PRR16: variants seen among roughly 807,000 people sequenced by gnomAD.
PRR16 encodes proline rich 16.
In PRR16, 6 loss-of-function variants were observed where a neutral mutation model predicts 18.2. The ratio of observed to expected loss-of-function variants is 0.33; its 90% CI spans 0.18 to 0.65. The LOEUF (loss-of-function observed/expected upper bound fraction) is 0.65. Ranked by LOEUF, PRR16 falls within the 30% of genes least tolerant of loss-of-function variation. The pLI, the probability that PRR16 is intolerant of heterozygous loss-of-function variation, is 0.74. For missense variants in PRR16, 412 were observed against 376.6 expected, an observed-to-expected ratio of 1.09 and a Z score of -0.78; for synonymous variants, 151 against 147.8, an observed-to-expected ratio of 1.02 and a Z score of -0.16.
the PRR16 span, among the ~76,000 whole-genome samples, chr5:120,747,311 T>C: frequency 6.6e-6 from 1 of 152,178 alleles, no homozygotes; most frequent in South Asian, 2.1e-4. Context: ...CTTCATACAT[T>C]CAAGTTTTAT....
At chr5:120,742,410 T>C in the PRR16 span, among the ~76,000 whole-genome samples, 1 of 151,708 alleles carries the variant, frequency 6.6e-6, no homozygotes, top group Non-Finnish European at 1.5e-5. Context: ...ACTTTTGATA[T>C]TGCATATCAG....
intron 1 of PRR16, among the ~76,000 whole-genome samples, chr5:120,502,458 G>T (rs942009405): frequency 1.3e-5 from 2 of 151,492 alleles, no homozygotes; most frequent in South Asian, 2.1e-4. Flanking sequence ...TACTGTCTTT[G>T]TTACTTCTCA....
the PRR16 span, among the ~76,000 whole-genome samples, chr5:120,699,960 G>A: frequency 6.6e-6 from 1 of 152,212 alleles, no homozygotes; most frequent in Non-Finnish European, 1.5e-5. Context: ...AAGCTTTGCA[G>A]CAGTACAGCC....
chr5:120,477,057 C>T (rs906542353), intron 1 of PRR16, among the ~76,000 whole-genome samples: 8 of 152,150 alleles, frequency 5.3e-5, no homozygotes, highest in Non-Finnish European at 1.5e-5. Context: ...CATTTCACTT[C>T]ACTGATTTTT....
At chr5:120,529,946 A>G (rs763487953) in intron 1 of PRR16, among the ~76,000 whole-genome samples, 1 of 151,752 alleles carries the variant, frequency 6.6e-6, no homozygotes. Context: ...TTTACTATGC[A>G]AAAATAATAT....
At chr5:120,707,100 G>T in the PRR16 span, among the ~76,000 whole-genome samples, 1 of 152,172 alleles carries the variant, frequency 6.6e-6, no homozygotes, top group Admixed American at 6.5e-5. Context: ...ATCTACAATT[G>T]AAGGGTTTCT....
intron 1 of PRR16, among the ~76,000 whole-genome samples, chr5:120,618,735 A>AT (rs1043175136): frequency 2.0e-5 from 3 of 151,542 alleles, no homozygotes; most frequent in Admixed American, 2.0e-4. Flanking sequence ...TGGGATTCTT[A>AT]TTTTTTTTGT....
the PRR16 span, among the ~76,000 whole-genome samples, chr5:120,745,825 A>C: frequency 6.7e-6 from 1 of 149,272 alleles, no homozygotes. Context: ...CAGCCTCTGG[A>C]GTAGCTGGGA....
At chr5:120,651,365 G>A (rs1051656302) in intron 1 of PRR16, among the ~76,000 whole-genome samples, 2 of 152,122 alleles carry the variant, frequency 1.3e-5, no homozygotes, top group African/African-American at 4.8e-5. Flanking sequence ...GGCTTTTGTT[G>A]CCATTGTTTT....
chr5:120,684,540 A>G (rs1757062839), intron 1 of PRR16, among the ~76,000 whole-genome samples: 1 of 152,256 alleles, frequency 6.6e-6, no homozygotes, highest in Non-Finnish European at 1.5e-5. Context: ...GTCTCCTTAC[A>G]TAAACTATTT....
At chr5:120,652,704 A>G (rs1447149664) in intron 1 of PRR16, among the ~76,000 whole-genome samples, 2 of 152,048 alleles carry the variant, frequency 1.3e-5, no homozygotes, top group African/African-American at 4.8e-5. Context: ...GAGAGAGCCT[A>G]AGGAGACATG....
At chr5:120,559,319 T>C (rs1339370684) in intron 1 of PRR16, among the ~76,000 whole-genome samples, 1 of 151,986 alleles carries the variant, frequency 6.6e-6, no homozygotes, top group Non-Finnish European at 1.5e-5. Flanking sequence ...ATTGGATTTT[T>C]GTATGTGATG....
chr5:120,587,970 G>A (rs1438286971), intron 1 of PRR16, among the ~76,000 whole-genome samples: 2 of 152,176 alleles, frequency 1.3e-5, no homozygotes, highest in African/African-American at 2.4e-5. Flanking sequence ...TCAAAATGTT[G>A]ACATTAACTG....
intron 1 of PRR16, among the ~76,000 whole-genome samples, chr5:120,621,183 CCTT>C (rs563071588): frequency 2.5e-4 from 38 of 152,114 alleles, no homozygotes; most frequent in Non-Finnish European, 5.0e-4. Flanking sequence ...AAACTCTACT[CCTT>C]CTTTTGCTTT....
At chr5:120,538,082 T>C (rs554981661) in intron 1 of PRR16, among the ~76,000 whole-genome samples, 19 of 152,342 alleles carry the variant, frequency 1.2e-4, no homozygotes, top group Non-Finnish European at 2.8e-4. Flanking sequence ...GGCCGTTGTT[T>C]ATAATATAAG....
chr5:120,678,203 T>C (rs1756867961), intron 1 of PRR16, among the ~76,000 whole-genome samples: 1 of 152,178 alleles, frequency 6.6e-6, no homozygotes, highest in African/African-American at 2.4e-5. Flanking sequence ...CTGCTTTTTA[T>C]GTCAAGCTTT....
chr5:120,776,422 GA>G, the PRR16 span, among the ~76,000 whole-genome samples: 1 of 152,100 alleles, frequency 6.6e-6, no homozygotes, highest in African/African-American at 2.4e-5. Context: ...AAACTCTATG[GA>G]AATTCTAGAC....
rs1200207488 is a variant in PRR16, at chr5:120,645,406, C to G, written c.160-40548C>G. On this transcript the variant is annotated intron_variant, in intron 1 of 1. Transcript: ENST00000407149. ...CATCCCCCCCCCACACACACACAGG[C>G]AGAAAGAGAGTGAGAGAATATAAAT... Among the ~76,000 whole-genome samples, 8 of 139,592 alleles carry G rather than the reference C, an allele frequency of 5.7e-5. No individual in the cohort carries two copies. The Admixed American group carries it at 6.1e-4, about 11-fold the overall frequency. The allele number at this position is 139,592 out of a possible 152,430, so 91.6% of individuals were successfully genotyped here.
chr5:120,584,457 G>A (rs996781331), intron 1 of PRR16, among the ~76,000 whole-genome samples: 5 of 152,082 alleles, frequency 3.3e-5, no homozygotes, highest in Admixed American at 2.0e-4. Flanking sequence ...TTGATTAATA[G>A]ACTAAACATT....
Sources: gnomAD v4.1 joint callset for allele counts (sites outside exome capture counted in the v4.1 genomes callset) on GRCh38, gnomAD v4.1.1 for gene constraint, MANE v1.5 for transcripts, NCBI Gene and HGNC (gene_info 2026-07-23, HGNC 2026-07-21) for gene names.